The following SLC22A15 variants were observed in gnomAD, a reference collection of about 807,000 sequenced individuals.
SLC22A15 encodes the protein flipt 1.
A neutral mutation model predicts 62.7 loss-of-function variants in SLC22A15; 45 were observed. The ratio of observed to expected loss-of-function variants is 0.72; its 90% CI spans 0.56 to 0.92. The LOEUF is 0.92. Among genes scored for constraint, SLC22A15 ranks in the 40% least tolerant of loss-of-function variants. SLC22A15 has a pLI of 0.00. For missense variants in SLC22A15, 622 were observed against 665.6 expected, an observed-to-expected ratio of 0.93 and a Z score of 0.72; for synonymous variants, 264 against 267.0, an observed-to-expected ratio of 0.99 and a Z score of 0.11.
intron 2 of SLC22A15, chr1:116,014,990 A>T (rs940920752): frequency 6.6e-6 from 1 of 152,210 alleles, no homozygotes; most frequent in African/African-American, 2.4e-5. Context: ...TCAATATCCT[A>T]GTGTATCTTC....
At chr1:115,985,271 ATATTCAG>A (rs1372080084) in intron 1 of SLC22A15, among the ~76,000 whole-genome samples, 10 of 152,222 alleles carry the variant, frequency 6.6e-5, no homozygotes, top group Non-Finnish European at 1.3e-4. Context: ...GTTACCAACA[ATATTCAG>A]TATAGTAACA....
chr1:116,035,789 A>G (rs1201102756), intron 7 of SLC22A15, among the ~76,000 whole-genome samples: 1 of 152,208 alleles, frequency 6.6e-6, no homozygotes, highest in Non-Finnish European at 1.5e-5. Context: ...TTGAGGAGGC[A>G]GAAGATAAAA....
chr1:116,061,653 A>G (rs946030817), intron 8 of SLC22A15, among the ~76,000 whole-genome samples: 1 of 151,292 alleles, frequency 6.6e-6, no homozygotes, highest in Admixed American at 6.6e-5. Flanking sequence ...GTAGAGGCAA[A>G]TGATTATTGA....
intron 2 of SLC22A15, among the ~76,000 whole-genome samples, chr1:116,013,140 T>G (rs960845734): frequency 6.6e-6 from 1 of 152,168 alleles, no homozygotes; most frequent in Admixed American, 6.5e-5. Flanking sequence ...CTTACCATAT[T>G]TTCAGCTTAC....
rs371873177 is a variant in SLC22A15, at chr1:116,019,052, C to T, written c.301-530C>T. On this transcript the variant is annotated intron_variant, in intron 2 of 11. Coordinates refer to ENST00000369503, the MANE Select transcript of SLC22A15 (RefSeq NM_018420.3). ...GAACATGGGTGTACAAATATCTTTTCGTGTCCCTGCTTTTAGTTCTTTTGG... is the reference window on the plus strand; with the variant it reads ...GAACATGGGTGTACAAATATCTTTTTGTGTCCCTGCTTTTAGTTCTTTTGG... 3.4e-4 allele frequency among the ~76,000 whole-genome samples: 52 copies of T among 152,302 alleles called. No homozygotes were observed. In the South Asian group the frequency reaches 7.0e-3, roughly 21 times the overall value.
At chr1:116,050,398 G>A (rs979770527) in intron 8 of SLC22A15, among the ~76,000 whole-genome samples, 3 of 152,166 alleles carry the variant, frequency 2.0e-5, no homozygotes, top group Admixed American at 1.3e-4. Context: ...AATCCACCAT[G>A]ATCAAGTGGG....
intron 5 of SLC22A15, 69 bp from the exon 6 acceptor site, chr1:116,031,297 G>A (rs1246182797): frequency 4.2e-6 from 5 of 1,179,070 alleles, no homozygotes; most frequent in Non-Finnish European, 6.2e-6. Flanking sequence ...GTACTGAGTA[G>A]GTGATTTGTC....
intron 2 of SLC22A15, among the ~76,000 whole-genome samples, chr1:116,008,412 G>A (rs1382733196): frequency 6.6e-6 from 1 of 152,172 alleles, no homozygotes; most frequent in Non-Finnish European, 1.5e-5. Context: ...TAGAGTAGGG[G>A]TTATGGTGTC....
At chr1:116,005,758 G>A (rs12085430) in intron 2 of SLC22A15, among the ~76,000 whole-genome samples, 17,057 of 152,050 alleles carry the variant, frequency 0.11, 2,328 homozygotes, top group African/African-American at 0.33. Context: ...GACCAAGGAG[G>A]AGTTTTAGCT....
At chr1:115,998,029 A>G (rs1655511092) in intron 2 of SLC22A15, among the ~76,000 whole-genome samples, 4 of 152,170 alleles carry the variant, frequency 2.6e-5, no homozygotes, top group African/African-American at 7.2e-5. Flanking sequence ...CTTTTTCAGC[A>G]TGAATTGAAA....
intron 1 of SLC22A15, among the ~76,000 whole-genome samples, chr1:115,989,173 A>G (rs1655028903): frequency 6.6e-6 from 1 of 151,932 alleles, no homozygotes; most frequent in Admixed American, 6.6e-5. Context: ...GGTGAGGAAG[A>G]CATTGTGAAG....
intron 4 of SLC22A15, among the ~76,000 whole-genome samples, chr1:116,022,497 T>A (rs1656890259): frequency 6.6e-6 from 1 of 152,186 alleles, no homozygotes; most frequent in African/African-American, 2.4e-5. Context: ...CATTTCTCCA[T>A]TATAGTATTT....
chr1:116,016,723 A>G (rs1578738), intron 2 of SLC22A15, among the ~76,000 whole-genome samples: 77,662 of 151,912 alleles, frequency 0.51, 21,576 homozygotes, highest in Non-Finnish European at 0.64. Flanking sequence ...AACCACCCAG[A>G]GAGTGGCTAA....
chr1:116,031,265 C>A, intron 5 of SLC22A15, 101 bp from the exon 6 acceptor site: 1 of 841,534 alleles, frequency 1.2e-6, no homozygotes, highest in Non-Finnish European at 1.9e-6. Flanking sequence ...CATGGAATCC[C>A]ATTTGTGGTG....
Position 116,062,758 on chromosome 1 carries a change from T to G in SLC22A15, c.1172-4T>G. ...CTCACAGGCATTGCCCTTGTCCTCC[T>G]CAGACACAGGTGTGTTTGCAGTGGT... On this transcript the variant is annotated splice_polypyrimidine_tract_variant and splice_region_variant and intron_variant, in intron 8 of 11. Transcript: ENST00000369503. 2 of 1,613,782 alleles carry G rather than the reference T, an allele frequency of 1.2e-6. No individual in the cohort carries two copies. The highest frequency in any genetic ancestry group is 1.7e-6 in the Non-Finnish European group (2 of 1,179,712).
At chr1:116,012,633 TA>T (rs1216049303) in intron 2 of SLC22A15, among the ~76,000 whole-genome samples, 1 of 152,184 alleles carries the variant, frequency 6.6e-6, no homozygotes, top group Admixed American at 6.5e-5. Flanking sequence ...TATTTGTATT[TA>T]AAACACACAC....
intron 1 of SLC22A15, among the ~76,000 whole-genome samples, chr1:115,988,687 ATTT>A (rs33995476): frequency 0.23 from 33,030 of 140,556 alleles, 4,124 homozygotes; most frequent in East Asian, 0.46. Flanking sequence ...TGCCCAGCTA[ATTT>A]TTTTTTTTTT....
intron 5 of SLC22A15, among the ~76,000 whole-genome samples, chr1:116,030,460 C>A (rs1243361284): frequency 6.6e-6 from 1 of 151,622 alleles, no homozygotes; most frequent in Admixed American, 6.6e-5. Context: ...AAAAAAAAAA[C>A]AACCTTGATT....
At chr1:116,052,917 C>G (rs898005127) in intron 8 of SLC22A15, among the ~76,000 whole-genome samples, 10 of 152,094 alleles carry the variant, frequency 6.6e-5, no homozygotes, top group Admixed American at 6.5e-4. Context: ...ACATCACCAT[C>G]ATCAAAGACC....
Sources: gnomAD v4.1 joint callset for allele counts (sites outside exome capture counted in the v4.1 genomes callset) on GRCh38, gnomAD v4.1.1 for gene constraint, MANE v1.5 for transcripts, NCBI Gene and HGNC (gene_info 2026-07-23, HGNC 2026-07-21) for gene names.